SYT12: variants seen among roughly 807,000 people sequenced by gnomAD.
SYT12 encodes the protein synaptotagmin-12.
Under a neutral mutation model 39.5 loss-of-function variants are expected in SYT12, and 27 were observed. The observed-to-expected ratio is 0.68, with a 90% confidence interval of 0.50 to 0.94. The LOEUF (loss-of-function observed/expected upper bound fraction) is 0.94. SYT12 is among the 40% of genes least tolerant of loss of function. The pLI, the probability that SYT12 is intolerant of heterozygous loss-of-function variation, is 0.00. For synonymous variants in SYT12, 233 were observed against 239.7 expected (o/e 0.97, Z 0.26); for missense variants, 536 against 572.6 (o/e 0.94, Z 0.65).
chr11:67,009,441 G>A (rs1188809982), intron 1 of SYT12, among the ~76,000 whole-genome samples: 1 of 152,008 alleles, frequency 6.6e-6, no homozygotes, highest in African/African-American at 2.4e-5. Context: ...ACAGGTATGT[G>A]CCCCCACACC....
chr11:67,007,984 C>T (rs1338528123), intron 1 of SYT12, among the ~76,000 whole-genome samples: 7 of 146,954 alleles, frequency 4.8e-5, no homozygotes, highest in East Asian at 2.1e-4. Flanking sequence ...GACAGAGTCT[C>T]GCTCTGTCAC....
At chr11:67,008,047 G>A (rs1233421734) in intron 1 of SYT12, among the ~76,000 whole-genome samples, 3 of 150,818 alleles carry the variant, frequency 2.0e-5, no homozygotes, top group Non-Finnish European at 4.4e-5. Context: ...TCCGCCTCCC[G>A]GGTTCAAGCG....
At chr11:67,014,719 C>T (rs1950039892) in intron 3 of SYT12, among the ~76,000 whole-genome samples, 1 of 152,150 alleles carries the variant, frequency 6.6e-6, no homozygotes, top group Non-Finnish European at 1.5e-5. Flanking sequence ...TGGAGGCAGC[C>T]TTGAGGCATG....
At chr11:67,031,402 C>T (rs1591362927) in intron 2 of SYT12, 1 of 152,244 alleles carries the variant, frequency 6.6e-6, no homozygotes, top group East Asian at 1.9e-4. Flanking sequence ...TGGACCCAGT[C>T]TGTCTGGAGG....
chr11:67,031,397 CCAG>C (rs1950264585), intron 2 of SYT12: 1 of 152,190 alleles, frequency 6.6e-6, no homozygotes. Flanking sequence ...AGATCTGGAC[CCAG>C]TCTGTCTGGA....
At chr11:67,046,359 T>C (rs970816827) in intron 7 of SYT12, among the ~76,000 whole-genome samples, 2 of 152,150 alleles carry the variant, frequency 1.3e-5, no homozygotes, top group African/African-American at 4.8e-5. Flanking sequence ...AGACCACGGG[T>C]GGGGCTTGAA....
chr11:67,011,094 C>T (rs1950010200), intron 3 of SYT12: 1 of 152,156 alleles, frequency 6.6e-6, no homozygotes, highest in African/African-American at 2.4e-5. Context: ...TGCAGTAGAA[C>T]CTACCTGTAG....
At chr11:67,043,577 G>C (rs1311813812) in intron 4 of SYT12, 61 bp from the exon 5 acceptor site, 2 of 1,525,670 alleles carry the variant, frequency 1.3e-6, no homozygotes, top group Non-Finnish European at 1.8e-6. Flanking sequence ...CCTGTCCAGT[G>C]CTGTCTCCCT....
intron 3 of SYT12, among the ~76,000 whole-genome samples, chr11:67,035,069 G>A (rs562784972): frequency 1.5e-3 from 219 of 148,898 alleles, no homozygotes; most frequent in Non-Finnish European, 2.4e-3. Context: ...GAGTGCAATG[G>A]CATGATCTGG....
At chr11:67,035,825 C>CTTT (rs1950362016) in intron 3 of SYT12, among the ~76,000 whole-genome samples, 1 of 96,600 alleles carries the variant, frequency 1.0e-5, no homozygotes, top group African/African-American at 4.4e-5. Context: ...TTCCTTCCTT[C>CTTT]CTTCCTTCCT....
At chr11:67,044,504 C>T in intron 5 of SYT12, 89 bp from the exon 6 acceptor site, 4 of 1,530,630 alleles carry the variant, frequency 2.6e-6, no homozygotes, top group Non-Finnish European at 3.5e-6. Context: ...GAGAAGGAAG[C>T]CCCAGCCTTT....
chr11:67,021,559 G>C (rs1396472903), upstream of SYT12, among the ~76,000 whole-genome samples: 2 of 152,068 alleles, frequency 1.3e-5, no homozygotes, highest in Non-Finnish European at 2.9e-5. Flanking sequence ...GGGATTACAG[G>C]CTTGAGCCAC....
intron 3 of SYT12, among the ~76,000 whole-genome samples, chr11:67,035,572 C>G (rs1292349565): frequency 6.6e-6 from 1 of 150,996 alleles, no homozygotes; most frequent in African/African-American, 2.4e-5. Context: ...ATTCTCCTGC[C>G]TCAGCCTCCT....
intron 1 of SYT12, 64 bp from the exon 2 acceptor site, chr11:67,030,058 A>C: frequency 6.5e-7 from 1 of 1,535,614 alleles, no homozygotes; most frequent in Non-Finnish European, 8.9e-7. Flanking sequence ...CCAGGAGGCC[A>C]GGACCTAGGA....
At chr11:67,039,390 A>G (rs560539753) in intron 3 of SYT12, among the ~76,000 whole-genome samples, 1 of 152,194 alleles carries the variant, frequency 6.6e-6, no homozygotes, top group African/African-American at 2.4e-5. Context: ...GTAGGTGGGC[A>G]GATCACCTGA....
chr11:67,019,050 A>G (rs1950082819), upstream of SYT12, among the ~76,000 whole-genome samples: 1 of 152,176 alleles, frequency 6.6e-6, no homozygotes, highest in Non-Finnish European at 1.5e-5. Context: ...AAAGAAAGAG[A>G]GGTTTAAAGG....
chr11:67,026,416 G>A (rs185461484), intron 1 of SYT12, among the ~76,000 whole-genome samples: 8 of 152,238 alleles, frequency 5.3e-5, no homozygotes, highest in Admixed American at 5.2e-4. Flanking sequence ...TGGGATTACA[G>A]GCATGTGCCA....
At chr11:67,042,989 C>T (rs1254393998) in intron 4 of SYT12, among the ~76,000 whole-genome samples, 1 of 152,186 alleles carries the variant, frequency 6.6e-6, no homozygotes, top group Non-Finnish European at 1.5e-5. Context: ...AGGCAGGGTC[C>T]AGGGATGAGA....
intron 6 of SYT12, 196 bp from the exon 7 acceptor site, chr11:67,045,548 C>A: frequency 1.3e-6 from 1 of 757,456 alleles, no homozygotes; most frequent in South Asian, 1.9e-5. Context: ...GCCCAGCCCT[C>A]ACCTGACGTG....
Sources: gnomAD v4.1 joint callset for allele counts (sites outside exome capture counted in the v4.1 genomes callset) on GRCh38, gnomAD v4.1.1 for gene constraint, MANE v1.5 for transcripts, NCBI Gene and HGNC (gene_info 2026-07-23, HGNC 2026-07-21) for gene names.